SI: variants seen among roughly 807,000 people sequenced by gnomAD.
SI encodes the protein sucrase-isomaltase, intestinal.
SI carries 235 observed loss-of-function variants against 253.3 expected under a neutral mutation model. The observed-to-expected ratio is 0.93, with a 90% CI of 0.83 to 1.03. SI has a LOEUF of 1.03. Ranked by LOEUF, SI falls within the 50% of genes least tolerant of loss-of-function variation. The probability of loss-of-function intolerance (pLI) is 0.00; values close to 1 mark genes in which losing one functional copy is unlikely to be tolerated. For missense variants in SI, 2,442 were observed against 2,211.1 expected (o/e 1.10, Z -2.09); for synonymous variants, 819 against 712.0 (o/e 1.15, Z -2.39).
chr3:165,030,919 A>G, intron 24 of SI, 52 bp from the exon 25 acceptor site: 1 of 1,515,078 alleles, frequency 6.6e-7, no homozygotes, highest in Non-Finnish European at 8.8e-7. Context: ...ACACAAACAA[A>G]CAAAAACATT....
intron 38 of SI, among the ~76,000 whole-genome samples, chr3:164,997,818 A>G (rs1336082925): frequency 3.3e-5 from 5 of 151,702 alleles, no homozygotes; most frequent in African/African-American, 4.8e-5. Context: ...AAAGGTCATG[A>G]TCTCATTTTT....
intron 9 of SI, among the ~76,000 whole-genome samples, chr3:165,060,338 A>G (rs1188575199): frequency 6.6e-6 from 1 of 152,022 alleles, no homozygotes; most frequent in Non-Finnish European, 1.5e-5. Flanking sequence ...GTTAAATAAG[A>G]TAATACAAGA....
Position 164,992,374 on chromosome 3 carries a change from C to A in SI, c.4865G>T (p.Trp1622Leu), listed in dbSNP as rs1435498971. 6.2e-7 allele frequency: 1 copy of A among 1,611,460 alleles called. No individual in the cohort carries two copies. Among genetic ancestry groups the A allele is most frequent in the Non-Finnish European group, 8.5e-7 (1 of 1,178,956 alleles). ...LHEFFDEKPTWDIFKQFLWGP... is the reference protein window; with the variant it reads ...LHEFFDEKPTLDIFKQFLWGP... ...CCATAAGAACTGCTTGAATATATCC[C>A]AGGTTGGTTTTTCATCAAAGAACCT... The change falls in exon 42 of 48, where the codon TGG becomes TTG. Residue 1622 changes from tryptophan to leucine, a missense_variant. Coordinates refer to ENST00000264382, the MANE Select transcript of SI (RefSeq NM_001041.4).
chr3:164,992,026 A>G lies in SI; in HGVS notation c.4983+151T>C. 3 of 716,458 alleles carry G rather than the reference A, an allele frequency of 4.2e-6. No individual in the cohort carries two copies. In the South Asian group the frequency reaches 4.8e-5, roughly 11 times the overall value. The allele number at this position is 716,458 out of a possible 1,614,324, so 44.4% of individuals were successfully genotyped here. A position where few individuals can be genotyped will look rare whatever the true frequency, so the allele number is the denominator to read the frequency against. ...AATTAACTCTCTTTCACTGTGGATT[A>G]ATTCAATTCAGCTATAATTTACCGG... On this transcript the variant is annotated intron_variant, in intron 43 of 47. Transcript: ENST00000264382.
chr3:165,079,418 G>C (rs1273791869), upstream of SI, among the ~76,000 whole-genome samples: 1 of 151,440 alleles, frequency 6.6e-6, no homozygotes, highest in Admixed American at 6.6e-5. Flanking sequence ...GCATAAAGTA[G>C]AGCAATTAGT....
intron 9 of SI, among the ~76,000 whole-genome samples, chr3:165,062,147 G>A (rs976733132): frequency 3.3e-5 from 5 of 151,728 alleles, no homozygotes; most frequent in African/African-American, 4.8e-5. Context: ...CTGCCTAGAG[G>A]TAAGAAATTT....
chr3:165,042,138 T>C (rs997910431), intron 17 of SI, among the ~76,000 whole-genome samples: 16 of 152,244 alleles, frequency 1.1e-4, no homozygotes, highest in African/African-American at 2.6e-4. Flanking sequence ...ATTTCTGTCT[T>C]ATCATCAGCA....
intron 41 of SI, among the ~76,000 whole-genome samples, 170 bp from the exon 42 acceptor site, chr3:164,992,567 C>T (rs2108127822): frequency 6.6e-6 from 1 of 151,896 alleles, no homozygotes; most frequent in African/African-American, 2.4e-5. Context: ...TAGTACAATG[C>T]TCAGCAGTAT....
At chr3:165,031,249 C>G (rs1712221163) in intron 24 of SI, among the ~76,000 whole-genome samples, 1 of 149,142 alleles carries the variant, frequency 6.7e-6, no homozygotes, top group African/African-American at 2.4e-5. Context: ...TTGATACCCA[C>G]CAAACATAAT....
At chr3:165,022,399 C>T (rs544449369) in intron 26 of SI, among the ~76,000 whole-genome samples, 2 of 150,102 alleles carry the variant, frequency 1.3e-5, no homozygotes, top group Non-Finnish European at 3.0e-5. Context: ...TCACATGGAA[C>T]TCATTCTAAA....
At chr3:165,070,295 TTA>T (rs66885249) in intron 3 of SI, among the ~76,000 whole-genome samples, 83,709 of 143,838 alleles carry the variant, frequency 0.58, 24,775 homozygotes, top group East Asian at 0.81. Flanking sequence ...ACATATATAA[TTA>T]TATATGTATA....
chr3:165,039,167 C>T (rs576482867), intron 19 of SI, 33 bp from the exon 20 acceptor site: 2 of 1,386,056 alleles, frequency 1.4e-6, no homozygotes, highest in Admixed American at 3.5e-5. Flanking sequence ...TTTTTAATTT[C>T]AATTTTTAAC....
In SI at chr3:165,067,491, T is replaced by C. The variant is rs757316303; in HGVS notation, c.484A>G (p.Ile162Val). 6.2e-7 allele frequency: 1 copy of C among 1,607,452 alleles called. No individual in the cohort carries two copies. The highest frequency in any genetic ancestry group is 1.7e-5 in the Admixed American group (1 of 59,966). Residue 162 changes from isoleucine (I) to valine (V), a missense_variant and splice_region_variant, in exon 6 of 48, where the codon ATT becomes GTT. Physicochemically the swap from Ile to Val is conservative, Grantham distance 29 (BLOSUM62 3). Coordinates refer to ENST00000264382, the MANE Select transcript of SI (RefSeq NM_001041.4). The stretch of plus-strand genomic sequence containing the variant: ...TATCTTCTATTATTTGGATCAGTAA[T>C]CTGGAAAGATTTAAGCAAGGTAGCA... The part of the protein sequence containing the change: ...NQTPNRFRFK[I>V]TDPNNRRYEV...
intron 15 of SI, among the ~76,000 whole-genome samples, chr3:165,048,814 G>A (rs184650927): frequency 1.3e-5 from 2 of 151,688 alleles, no homozygotes; most frequent in East Asian, 1.9e-4. Context: ...ACTGGGTTTC[G>A]CCATGTTGGC....
intron 3 of SI, among the ~76,000 whole-genome samples, chr3:165,071,705 A>G (rs1490776410): frequency 6.6e-6 from 1 of 152,056 alleles, no homozygotes; most frequent in African/African-American, 2.4e-5. Flanking sequence ...TGGTGTCCTT[A>G]TAAGAAGAGG....
At position 165,017,494 on chromosome 3, in the gene SI, A is replaced by C. The variant is rs868669699; in HGVS notation, c.3759+54T>G. ...TAAAGTATACATGTTTAATTATTTC[A>C]TTCTACTTTTACGTATTCCATATTT... On this transcript the variant is annotated intron_variant, in intron 31 of 47. Transcript: ENST00000264382. 1.3e-5 allele frequency: 20 copies of C among 1,550,360 alleles called. No individual in the cohort carries two copies. The Middle Eastern group carries it at 1.0e-3, about 79-fold the overall frequency.
intron 44 of SI, among the ~76,000 whole-genome samples, chr3:164,987,437 G>A (rs746553755): frequency 3.9e-5 from 6 of 152,142 alleles, no homozygotes; most frequent in African/African-American, 1.4e-4. Flanking sequence ...TAGGCCGGGT[G>A]CGGTGGCTCA....
At chr3:164,998,805 T>G in intron 37 of SI, 132 bp from the exon 38 acceptor site, 1 of 765,072 alleles carries the variant, frequency 1.3e-6, no homozygotes, top group Non-Finnish European at 2.2e-6. Flanking sequence ...AACTGGCTCT[T>G]GATAAGTTTG....
chr3:165,086,299 T>A, the SI span, among the ~76,000 whole-genome samples: 2 of 152,184 alleles, frequency 1.3e-5, no homozygotes, highest in Non-Finnish European at 2.9e-5. Context: ...ATGTTACATG[T>A]CACCCATAAT....
Sources: allele counts gnomAD v4.1 joint callset (sites outside exome capture counted in the v4.1 genomes callset), GRCh38; gene constraint gnomAD v4.1.1; transcripts MANE v1.5; gene names NCBI Gene and HGNC (gene_info 2026-07-23, HGNC 2026-07-21).